Variants in RASSF3 observed in about 807,000 individuals in gnomAD.
The protein encoded by RASSF3 is ras association domain-containing protein 3.
In RASSF3, 19 loss-of-function variants were observed where a neutral mutation model predicts 19.9. The ratio of observed to expected loss-of-function variants is 0.96; its 90% CI spans 0.67 to 1.40. The LOEUF is 1.40. RASSF3 is among the 40% of genes most tolerant of loss of function. The probability of loss-of-function intolerance (pLI) is 0.00; values close to 1 mark genes in which losing one functional copy is unlikely to be tolerated. For missense variants in RASSF3, 306 were observed against 289.8 expected, an observed-to-expected ratio of 1.06 and a Z score of -0.41; for synonymous variants, 110 against 104.2, an observed-to-expected ratio of 1.06 and a Z score of -0.34.
At chr12:64,599,222 A>C (rs1159562197) in intron 2 of RASSF3, 1 of 152,152 alleles carries the variant, frequency 6.6e-6, no homozygotes, top group Non-Finnish European at 1.5e-5. Flanking sequence ...AGCCCCTGTA[A>C]GACATAATAT....
intron 1 of RASSF3, among the ~76,000 whole-genome samples, chr12:64,645,005 G>A (rs1241185532): frequency 2.0e-5 from 3 of 152,162 alleles, no homozygotes; most frequent in East Asian, 3.8e-4. Flanking sequence ...AGGCTGCAGT[G>A]AGCCATGATC....
Position 64,668,271 on chromosome 12 carries a change from C to CTTCT in RASSF3, c.112-16514_112-16513insCTTT, listed in dbSNP as rs543668924. ...TACCAATCCTTTTCTTCTTCTTCTT[C>CTTCT]TTTTTTTTTTTTTCTCTTCAATTGA... On this transcript the variant is annotated intron_variant, in intron 1 of 4. Coordinates refer to ENST00000542104, the MANE Select transcript of RASSF3 (RefSeq NM_178169.4). Among the ~76,000 whole-genome samples, 430 of 147,218 alleles carry CTTCT rather than the reference C, an allele frequency of 2.9e-3. 1 individual carries two copies. The highest frequency in any genetic ancestry group is 0.01 in the African/African-American group (411 of 40,300).
chr12:64,638,377 G>A lies in RASSF3; in HGVS notation c.111+27634G>A, dbSNP rs572609750. On this transcript the variant is annotated intron_variant, in intron 1 of 4. Coordinates refer to ENST00000542104, the MANE Select transcript of RASSF3 (RefSeq NM_178169.4). ...GGGCGGATCACAAGGTCAGGAGATC[G>A]AGACCATCCTGGCTAATACGGTGAA... Among the ~76,000 whole-genome samples the A allele has an allele frequency of 1.6e-4, 24 of 151,970 alleles. No homozygotes were observed. In the South Asian group the frequency reaches 4.0e-3, roughly 25 times the overall value.
chr12:64,671,907 T>C (rs73321784), intron 1 of RASSF3, among the ~76,000 whole-genome samples: 1,739 of 152,272 alleles, frequency 0.011, 39 homozygotes, highest in African/African-American at 0.039. Flanking sequence ...AACAGACTTA[T>C]CAAAGAGCCA....
At chr12:64,542,214 G>A (rs1868945320), downstream of RASSF3, among the ~76,000 whole-genome samples, 1 of 152,134 alleles carries the variant, frequency 6.6e-6, no homozygotes, top group African/African-American at 2.4e-5. Flanking sequence ...TACTCACCCA[G>A]CCACTCAAGA....
chr12:64,688,057 A>T (rs1344084656), intron 2 of RASSF3, among the ~76,000 whole-genome samples, 159 bp from the exon 3 acceptor site: 1 of 152,144 alleles, frequency 6.6e-6, no homozygotes, highest in African/African-American at 2.4e-5. Flanking sequence ...CCGCCCTCTG[A>T]GGTCATTCCT....
intron 2 of RASSF3, among the ~76,000 whole-genome samples, chr12:64,571,023 G>A (rs982443077): frequency 6.6e-6 from 1 of 152,054 alleles, no homozygotes; most frequent in Admixed American, 6.6e-5. Flanking sequence ...TTCAAGACTA[G>A]CCTGGCCAAC....
At position 64,697,372 on chromosome 12, in the gene RASSF3, A is replaced by T. The variant is rs1333796328; in HGVS notation, c.*2460A>T. On this transcript the variant is annotated 3_prime_UTR_variant, in exon 5 of 5. Transcript: ENST00000542104. Reference sequence around the variant, plus strand: ...GCTGTAATACTGTTTTCTCTTCAATATGTGATGGTACAGGAAGGATGTTAA... The same window carrying T: ...GCTGTAATACTGTTTTCTCTTCAATTTGTGATGGTACAGGAAGGATGTTAA... The T allele has an allele frequency of 6.6e-6, 1 of 152,186 alleles. No individual in the cohort carries two copies. The highest frequency in any genetic ancestry group is 1.5e-5 in the Non-Finnish European group (1 of 68,032). The allele number at this position is 152,186 out of a possible 1,614,324, so 9.4% of individuals were successfully genotyped here. A position where few individuals can be genotyped will look rare whatever the true frequency, so the allele number is the denominator to read the frequency against.
chr12:64,630,109 T>C (rs1017097475), intron 1 of RASSF3: 1 of 152,158 alleles, frequency 6.6e-6, no homozygotes, highest in Non-Finnish European at 1.5e-5. Flanking sequence ...GAAGTACCTC[T>C]GAATTTACAC....
At chr12:64,610,327 G>A (rs1356619696), upstream of RASSF3, among the ~76,000 whole-genome samples, 6 of 150,724 alleles carry the variant, frequency 4.0e-5, no homozygotes, top group African/African-American at 1.2e-4. Context: ...GGGGCGGGCC[G>A]GGCTCCCCCC....
chr12:64,586,510 A>AAAAAAAAAAAC (rs1869805395), intron 2 of RASSF3, among the ~76,000 whole-genome samples: 1 of 150,340 alleles, frequency 6.7e-6, no homozygotes, highest in African/African-American at 2.4e-5. Context: ...AAAAAAAAAA[A>AAAAAAAAAAAC]AAAAAGACTA....
At chr12:64,517,892 A>C (rs1423388302) in intron 1 of RASSF3, among the ~76,000 whole-genome samples, 1 of 152,118 alleles carries the variant, frequency 6.6e-6, no homozygotes, top group Non-Finnish European at 1.5e-5. Context: ...TGCTGGGATT[A>C]CAGGCATGAG....
chr12:64,577,686 C>T (rs565241772), intron 2 of RASSF3, among the ~76,000 whole-genome samples: 11 of 152,112 alleles, frequency 7.2e-5, no homozygotes, highest in Non-Finnish European at 1.5e-4. Flanking sequence ...GAGCCAAGAT[C>T]ACGGCACTGC....
intron 1 of RASSF3, among the ~76,000 whole-genome samples, chr12:64,666,338 A>T (rs1386728514): frequency 6.6e-6 from 1 of 151,376 alleles, no homozygotes; most frequent in Non-Finnish European, 1.5e-5. Context: ...TACTTGCTAT[A>T]GATTTGAAAT....
chr12:64,594,095 G>T (rs1869963700), intron 2 of RASSF3, among the ~76,000 whole-genome samples: 1 of 151,856 alleles, frequency 6.6e-6, no homozygotes, highest in South Asian at 2.1e-4. Flanking sequence ...CACTTTGGGA[G>T]GCCAAGGTGG....
At chr12:64,612,138 C>G (rs1870389808) in intron 1 of RASSF3, among the ~76,000 whole-genome samples, 1 of 152,184 alleles carries the variant, frequency 6.6e-6, no homozygotes, top group South Asian at 2.1e-4. Flanking sequence ...CTCTCCTCCC[C>G]CATGCCCACC....
In RASSF3 at chr12:64,576,877, G is replaced by A. The variant is rs548338857; in HGVS notation, c.294+35172G>A. Among the ~76,000 whole-genome samples the A allele has an allele frequency of 3.5e-3, 524 of 149,164 alleles. 2 individuals are homozygous for A. The highest frequency in any genetic ancestry group is 0.012 in the African/African-American group (505 of 40,570). On this transcript the variant is annotated intron_variant, in intron 2 of 5. Transcript: ENST00000637125. ...AAAAAAAAAAAAAAAAAAACTTGAT[G>A]ATGAAGTATGGGAACATGGAAGAGT...
chr12:64,541,725 G>A (rs1227768066), downstream of RASSF3: 1 of 398,464 alleles, frequency 2.5e-6, no homozygotes, highest in Non-Finnish European at 4.4e-6. Flanking sequence ...ATTGGTGCTT[G>A]TGGACATCGT....
chr12:64,522,613 A>AT (rs1376243167), intron 1 of RASSF3, among the ~76,000 whole-genome samples: 2 of 152,098 alleles, frequency 1.3e-5, no homozygotes, highest in African/African-American at 4.8e-5. Context: ...GCCGCCTTAG[A>AT]TTTTTTTACT....
Sources: gnomAD v4.1 joint callset for allele counts (sites outside exome capture counted in the v4.1 genomes callset) on GRCh38, gnomAD v4.1.1 for gene constraint, MANE v1.5 for transcripts, NCBI Gene and HGNC (gene_info 2026-07-23, HGNC 2026-07-21) for gene names.